Variants in ATG2B observed in about 807,000 individuals in gnomAD.
ATG2B encodes autophagy related 2B, also known as autophagy-related protein 2 homolog B.
ATG2B carries 121 observed loss-of-function variants against 241.3 expected under a neutral mutation model. That is an observed-to-expected ratio of 0.50 (90% CI 0.43 to 0.58). The LOEUF (loss-of-function observed/expected upper bound fraction) is 0.58, where lower values mean the gene tolerates loss of function less well. ATG2B is among the 20% of genes least tolerant of loss of function. ATG2B has a pLI of 0.00. For missense variants in ATG2B, 2,306 were observed against 2,491.6 expected, an observed-to-expected ratio of 0.93 and a Z score of 1.59; for synonymous variants, 858 against 876.6, an observed-to-expected ratio of 0.98 and a Z score of 0.37.
intron 18 of ATG2B, among the ~76,000 whole-genome samples, chr14:96,321,824 A>C (rs1325987384): frequency 2.6e-5 from 4 of 152,190 alleles, no homozygotes; most frequent in Non-Finnish European, 5.9e-5. Context: ...CTGCACATAA[A>C]GAAAAAAATT....
At chr14:96,310,677 A>G (rs927377430) in intron 28 of ATG2B, among the ~76,000 whole-genome samples, 14 of 152,198 alleles carry the variant, frequency 9.2e-5, no homozygotes, top group African/African-American at 3.4e-4. Flanking sequence ...CATATATGAC[A>G]AAGTACACTG....
intron 41 of ATG2B, 60 bp from the exon 42 acceptor site, chr14:96,286,045 T>C (rs1566710936): frequency 2.2e-6 from 3 of 1,381,734 alleles, no homozygotes; most frequent in Non-Finnish European, 3.0e-6. Context: ...GTCGGAAAAC[T>C]CTCTAAGCTA....
intron 18 of ATG2B, among the ~76,000 whole-genome samples, chr14:96,318,894 T>C (rs1887385945): frequency 6.6e-6 from 1 of 152,206 alleles, no homozygotes; most frequent in South Asian, 2.1e-4. Flanking sequence ...CTGAATTTTC[T>C]CGTTTCCCCT....
At position 96,302,024 on chromosome 14, in the gene ATG2B, G is replaced by A. The variant is rs960198031; in HGVS notation, c.5122C>T (p.Arg1708Cys). 9.9e-6 allele frequency: 16 copies of A among 1,613,656 alleles called. No individual in the cohort carries two copies. The highest frequency in any genetic ancestry group is 8.0e-5 in the African/African-American group (6 of 74,876). ...CCLRVSLMPL[R>C]LNIDQDALFF... ...CTACAAACCTGGTCAATATTGAGGC[G>A]GAGCGGCATCAGCGACACTCTCAAG... Residue 1708 changes from arginine to cysteine, a missense_variant, in exon 34 of 42, where the codon CGC becomes TGC. Coordinates refer to ENST00000359933, the MANE Select transcript of ATG2B (RefSeq NM_018036.7).
chr14:96,303,313 G>T lies in ATG2B; in HGVS notation c.4843-58C>A. On this transcript the variant is annotated intron_variant, in intron 32 of 41. Coordinates refer to ENST00000359933, the MANE Select transcript of ATG2B (RefSeq NM_018036.7). ...TTCTTTACATTCCTTTTATTAAATT[G>T]TATTTTCTCTTTAAAATGCAAAATA... The T allele has an allele frequency of 3.8e-6, 5 of 1,330,864 alleles. No individual in the cohort carries two copies. In the South Asian group the frequency reaches 5.7e-5, roughly 15 times the overall value. 82.4% of individuals were successfully genotyped at this position (1,330,864 alleles called of 1,614,324 possible). A position where few individuals can be genotyped will look rare whatever the true frequency, so the allele number is the denominator to read the frequency against.
At chr14:96,287,437 C>G (rs151312749) in intron 41 of ATG2B, among the ~76,000 whole-genome samples, 18 of 152,194 alleles carry the variant, frequency 1.2e-4, no homozygotes, top group African/African-American at 4.3e-4. Context: ...ATCCCACCTG[C>G]GATAAACAGG....
chr14:96,340,847 A>G (rs1338509732), intron 6 of ATG2B, among the ~76,000 whole-genome samples: 3 of 149,906 alleles, frequency 2.0e-5, no homozygotes, highest in Non-Finnish European at 4.4e-5. Flanking sequence ...GAGCCCAGGA[A>G]GTCGAGGCTG....
At chr14:96,304,436 A>C (rs916984917) in intron 32 of ATG2B, 59 bp downstream of exon 32, 52 of 1,340,956 alleles carry the variant, frequency 3.9e-5, no homozygotes, top group Non-Finnish European at 5.3e-5. Flanking sequence ...GGGGGATAAC[A>C]AAAGAACCCC....
At chr14:96,355,102 T>C (rs937393328) in intron 1 of ATG2B, among the ~76,000 whole-genome samples, 2 of 152,240 alleles carry the variant, frequency 1.3e-5, no homozygotes, top group African/African-American at 2.4e-5. Context: ...CTGTTCATTC[T>C]GATGACAGTT....
chr14:96,323,258 A>C (rs996956964), intron 16 of ATG2B, among the ~76,000 whole-genome samples: 1 of 152,180 alleles, frequency 6.6e-6, no homozygotes, highest in Non-Finnish European at 1.5e-5. Flanking sequence ...CTGTTTTATA[A>C]CCACAAAACC....
intron 34 of ATG2B, among the ~76,000 whole-genome samples, chr14:96,296,482 C>T (rs1886643455): frequency 6.6e-6 from 1 of 151,986 alleles, no homozygotes; most frequent in Non-Finnish European, 1.5e-5. Flanking sequence ...CCTAAACTGG[C>T]CGGGTGCAGT....
At chr14:96,349,681 T>C (rs1888262680) in intron 1 of ATG2B, among the ~76,000 whole-genome samples, 2 of 152,188 alleles carry the variant, frequency 1.3e-5, no homozygotes, top group Non-Finnish European at 2.9e-5. Context: ...ATTGCTTAGA[T>C]AGAGGTGTCA....
In ATG2B at chr14:96,322,673, T is replaced by G. The variant is rs757589030; in HGVS notation, c.2603A>C (p.Glu868Ala). ...GTAGTGACCATCATTCTCCTCTTCT[T>G]CTTCAGCTGCAATTCTCTCCAAAAT... The part of the protein sequence containing the change: ...HSILERIAAE[E>A]EEENDGHYQE... The change falls in exon 17 of 42, where the codon GAA (glutamate) becomes GCA (alanine). Residue 868 changes from glutamate (E) to alanine (A), a missense_variant. Transcript: ENST00000359933. 1.2e-6 allele frequency: 2 copies of G among 1,613,778 alleles called. No homozygotes were observed. The highest frequency in any genetic ancestry group is 1.7e-4 in the Middle Eastern group (1 of 6,058).
At chr14:96,306,504 T>C (rs1272609635) in intron 30 of ATG2B, among the ~76,000 whole-genome samples, 1 of 150,808 alleles carries the variant, frequency 6.6e-6, no homozygotes, top group Non-Finnish European at 1.5e-5. Context: ...ATGTTGGAAA[T>C]TTTGCAAATA....
At chr14:96,343,957 A>C (rs1414398499) in intron 4 of ATG2B, among the ~76,000 whole-genome samples, 1 of 152,252 alleles carries the variant, frequency 6.6e-6, no homozygotes. Flanking sequence ...CAGTAGATCC[A>C]TGTACGAAGT....
At chr14:96,326,520 T>C (rs1887592098) in intron 14 of ATG2B, among the ~76,000 whole-genome samples, 2 of 152,312 alleles carry the variant, frequency 1.3e-5, no homozygotes, top group Non-Finnish European at 2.9e-5. Flanking sequence ...GACCAAGATA[T>C]ATGCACCATT....
At chr14:96,301,178 T>G (rs1264350423) in intron 34 of ATG2B, among the ~76,000 whole-genome samples, 2 of 152,240 alleles carry the variant, frequency 1.3e-5, no homozygotes, top group African/African-American at 4.8e-5. Flanking sequence ...CAGTTAATGT[T>G]TTTCACACAC....
chr14:96,322,435 C>G, intron 17 of ATG2B, 105 bp downstream of exon 17: 1 of 1,346,894 alleles, frequency 7.4e-7, no homozygotes, highest in Non-Finnish European at 9.9e-7. Context: ...TAAGACCTAG[C>G]AAAAACAGTA....
In ATG2B at chr14:96,304,216, CTG is replaced by C. The variant is rs543526890; in HGVS notation, c.4842+277_4842+278del. On this transcript the variant is annotated intron_variant, in intron 32 of 41. Transcript: ENST00000359933. ...AAACTCTGGGGTGGAGCCCAGAAAC[CTG>C]TGTTTTAATAAGCCCTCCAGGGGAT... Among the ~76,000 whole-genome samples the C allele has an allele frequency of 2.5e-4, 38 of 152,364 alleles. 3 individuals are homozygous for C. In the South Asian group the frequency reaches 7.5e-3, roughly 30 times the overall value.
Sources: gnomAD v4.1 joint callset for allele counts (sites outside exome capture counted in the v4.1 genomes callset) on GRCh38, gnomAD v4.1.1 for gene constraint, MANE v1.5 for transcripts, NCBI Gene and HGNC (gene_info 2026-07-23, HGNC 2026-07-21) for gene names.